The following NAALADL2 variants were observed in gnomAD, a reference collection of about 807,000 sequenced individuals.
NAALADL2 encodes the protein inactive N-acetylated-alpha-linked acidic dipeptidase-like protein 2.
In NAALADL2, 76 loss-of-function variants were observed where a neutral mutation model predicts 87.2. The observed-to-expected ratio is 0.87, with a 90% CI of 0.72 to 1.05. NAALADL2 has a LOEUF of 1.05. NAALADL2 is among the 50% of genes least tolerant of loss of function. The pLI, the probability that NAALADL2 is intolerant of heterozygous loss-of-function variation, is 0.00. For missense variants in NAALADL2, 1,089 were observed against 945.8 expected, an observed-to-expected ratio of 1.15 and a Z score of -1.99; for synonymous variants, 354 against 331.0, an observed-to-expected ratio of 1.07 and a Z score of -0.75.
At chr3:175,537,029 C>T (rs1189722982) in intron 9 of NAALADL2, among the ~76,000 whole-genome samples, 1 of 152,164 alleles carries the variant, frequency 6.6e-6, no homozygotes, top group East Asian at 1.9e-4. Flanking sequence ...TTGAGCTACT[C>T]TGACAATCCA....
At chr3:175,768,588 G>A (rs1004125716) in intron 13 of NAALADL2, among the ~76,000 whole-genome samples, 3 of 152,060 alleles carry the variant, frequency 2.0e-5, no homozygotes, top group Non-Finnish European at 2.9e-5. Context: ...AGTGGCTCGC[G>A]CCTGTAATCC....
intron 1 of NAALADL2, among the ~76,000 whole-genome samples, chr3:175,019,520 A>G (rs1751296682): frequency 6.6e-6 from 1 of 152,026 alleles, no homozygotes; most frequent in Non-Finnish European, 1.5e-5. Flanking sequence ...CAGTACATTG[A>G]ACATGTACTT....
intron 2 of NAALADL2, among the ~76,000 whole-genome samples, chr3:175,201,839 AG>A (rs1740086614): frequency 6.6e-6 from 1 of 152,082 alleles, no homozygotes; most frequent in Non-Finnish European, 1.5e-5. Context: ...ATGTTGCTAA[AG>A]GGAATGGCAG....
In NAALADL2 at chr3:175,463,424, G is replaced by C. The variant is rs183674783; in HGVS notation, c.1258G>C (p.Val420Leu). Residue 420 changes from valine (V) to leucine (L), a missense_variant, in exon 7 of 14, where the codon GTT (valine) becomes CTT (leucine). Physicochemically the swap from Val to Leu is conservative, Grantham distance 32 (BLOSUM62 1). Transcript: ENST00000454872. ...AGAAATAAGAGTCGTCAGCATGCAAGTTCAGACAGTCACAAAATTGAAAAC... is the reference window on the plus strand; with the variant it reads ...AGAAATAAGAGTCGTCAGCATGCAACTTCAGACAGTCACAAAATTGAAAAC... ...NNEIRVVSMQ[V>L]QTVTKLKTVT... 7 of 1,594,860 alleles carry C rather than the reference G, an allele frequency of 4.4e-6. No individual in the cohort carries two copies. The African/African-American group carries it at 9.4e-5, about 21-fold the overall frequency.
rs545241945 is a variant in NAALADL2, at chr3:174,829,215, C to T, written c.-9+91469C>T. Reference sequence around the variant, plus strand: ...GTGCCATGCTGGTGCGCTGCACCCACTAACTCGTCATCTAGCATTAGGTAT... The same window carrying T: ...GTGCCATGCTGGTGCGCTGCACCCATTAACTCGTCATCTAGCATTAGGTAT... On this transcript the variant is annotated intron_variant, in intron 3 of 3. Coordinates refer to the NAALADL2 transcript ENST00000434257. Among the ~76,000 whole-genome samples the T allele has an allele frequency of 9.2e-5, 14 of 151,764 alleles. No homozygotes were observed. The East Asian group carries it at 2.7e-3, about 30-fold the overall frequency.
intron 3 of NAALADL2, among the ~76,000 whole-genome samples, chr3:174,760,620 C>T (rs954350378): frequency 6.6e-6 from 1 of 152,210 alleles, no homozygotes; most frequent in Admixed American, 6.5e-5. Context: ...AGGCAGGTCT[C>T]TACTGGATGG....
intron 6 of NAALADL2, among the ~76,000 whole-genome samples, chr3:175,462,282 C>T (rs10460883): frequency 0.026 from 3,935 of 152,202 alleles, 79 homozygotes; most frequent in East Asian, 0.099. Flanking sequence ...AACGAAAATG[C>T]ATAGTACCTA....
At chr3:175,345,616 C>G (rs1271914409) in intron 5 of NAALADL2, among the ~76,000 whole-genome samples, 1 of 152,136 alleles carries the variant, frequency 6.6e-6, no homozygotes, top group African/African-American at 2.4e-5. Flanking sequence ...GATCACCTGG[C>G]AGGCACCACT....
chr3:174,616,406 G>T (rs1479184004), intron 2 of NAALADL2, among the ~76,000 whole-genome samples: 1 of 151,832 alleles, frequency 6.6e-6, no homozygotes, highest in Non-Finnish European at 1.5e-5. Context: ...GGAATAGGAA[G>T]GTACTTTTTT....
At chr3:175,481,365 G>GTGTGTGTGTGTGTA (rs1553906602) in intron 9 of NAALADL2, among the ~76,000 whole-genome samples, 6 of 147,240 alleles carry the variant, frequency 4.1e-5, no homozygotes, top group African/African-American at 1.5e-4. Flanking sequence ...GTGTGTGTGT[G>GTGTGTGTGTGTGTA]TATATAGCTG....
intron 5 of NAALADL2, among the ~76,000 whole-genome samples, chr3:175,324,696 C>A (rs910553309): frequency 3.3e-5 from 5 of 152,126 alleles, no homozygotes; most frequent in African/African-American, 1.2e-4. Flanking sequence ...TGCTTTGGGG[C>A]AGCTGTAATA....
chr3:175,289,699 G>A lies in NAALADL2; in HGVS notation c.939+33169G>A, dbSNP rs150610696. On this transcript the variant is annotated intron_variant, in intron 4 of 13. Transcript: ENST00000454872. ...AAAGAAGTTGGGATGTGATTGCTGC[G>A]CCTGTAGTCCCAGCTACTCAGAAGG... Among the ~76,000 whole-genome samples, 747 of 152,096 alleles carry A rather than the reference G, an allele frequency of 4.9e-3. 5 individuals are homozygous for A. The highest frequency in any genetic ancestry group is 0.017 in the African/African-American group (722 of 41,502).
At chr3:174,746,158 C>A (rs1236920447) in intron 3 of NAALADL2, among the ~76,000 whole-genome samples, 1 of 152,144 alleles carries the variant, frequency 6.6e-6, no homozygotes, top group African/African-American at 2.4e-5. Context: ...TTGCAGATGA[C>A]CTTATCTTAT....
intron 2 of NAALADL2, among the ~76,000 whole-genome samples, chr3:175,134,248 A>G (rs1484345242): frequency 6.6e-6 from 1 of 152,236 alleles, no homozygotes; most frequent in African/African-American, 2.4e-5. Context: ...TTGAAGAATG[A>G]TTTTAGACAA....
intron 2 of NAALADL2, among the ~76,000 whole-genome samples, chr3:174,650,466 A>C (rs1724242082): frequency 6.6e-6 from 1 of 152,034 alleles, no homozygotes; most frequent in Non-Finnish European, 1.5e-5. Flanking sequence ...GCATTATTTG[A>C]CCATTGGCCC....
intron 5 of NAALADL2, among the ~76,000 whole-genome samples, chr3:175,403,281 T>TACTCTGAA (rs1711685886): frequency 6.6e-6 from 1 of 152,114 alleles, no homozygotes; most frequent in Non-Finnish European, 1.5e-5. Context: ...AGTCTTTTTT[T>TACTCTGAA]ATTTTTTGAA....
intron 9 of NAALADL2, among the ~76,000 whole-genome samples, chr3:175,536,128 A>G (rs1354467381): frequency 6.6e-6 from 1 of 152,210 alleles, no homozygotes; most frequent in African/African-American, 2.4e-5. Flanking sequence ...TTCATTTTCT[A>G]TAAAAATCAG....
intron 9 of NAALADL2, among the ~76,000 whole-genome samples, chr3:175,520,717 G>T (rs1328905127): frequency 6.6e-6 from 1 of 152,212 alleles, no homozygotes; most frequent in Non-Finnish European, 1.5e-5. Flanking sequence ...CCTAGAGTAA[G>T]AACTTAGGAT....
intron 3 of NAALADL2, among the ~76,000 whole-genome samples, chr3:174,763,608 A>AAAAAAAAAAAAAAAAAAT (rs1713378322): frequency 6.7e-6 from 1 of 150,066 alleles, no homozygotes; most frequent in Non-Finnish European, 1.5e-5. Flanking sequence ...AAAAGACTAA[A>AAAAAAAAAAAAAAAAAAT]ATGTTGAAGT....
Sources: gnomAD v4.1 joint callset for allele counts (sites outside exome capture counted in the v4.1 genomes callset) on GRCh38, gnomAD v4.1.1 for gene constraint, MANE v1.5 for transcripts, NCBI Gene and HGNC (gene_info 2026-07-23, HGNC 2026-07-21) for gene names.